ROBO1: variants seen among roughly 807,000 people sequenced by gnomAD.
ROBO1 encodes roundabout homolog 1.
In ROBO1, 149 loss-of-function variants were observed where a neutral mutation model predicts 195.9. That is an observed-to-expected ratio of 0.76 (90% CI 0.67 to 0.87). ROBO1 has a LOEUF of 0.87. Among genes scored for constraint, ROBO1 ranks in the 40% least tolerant of loss-of-function variants. ROBO1 has a pLI of 0.00. For synonymous variants in ROBO1, 816 were observed against 733.2 expected, an observed-to-expected ratio of 1.11 and a Z score of -1.82; for missense variants, 1,933 against 2,068.3, an observed-to-expected ratio of 0.93 and a Z score of 1.27.
chr3:79,529,618 A>G (rs1440309207), intron 2 of ROBO1, among the ~76,000 whole-genome samples: 3 of 152,242 alleles, frequency 2.0e-5, no homozygotes, highest in Non-Finnish European at 4.4e-5. Context: ...AGAGACAGCT[A>G]ATAAGTGACA....
intron 10 of ROBO1, among the ~76,000 whole-genome samples, chr3:78,673,563 TA>T (rs1277407275): frequency 0.11 from 1,228 of 11,260 alleles, 32 homozygotes; most frequent in African/African-American, 0.31. Flanking sequence ...ACATATATTT[TA>T]TATATATATA....
chr3:78,665,649 A>G (rs1232053576), intron 14 of ROBO1, among the ~76,000 whole-genome samples: 1 of 152,188 alleles, frequency 6.6e-6, no homozygotes, highest in Non-Finnish European at 1.5e-5. Flanking sequence ...TTTATGGGAT[A>G]AAACAGAAAA....
chr3:78,654,901 T>G lies in ROBO1; in HGVS notation c.2614+2197A>C, dbSNP rs1404212388. ...ATATAGAGTCATCACAGTGTTAACT[T>G]ATTTCAATGTTCATAAATTAATATT... On this transcript the variant is annotated intron_variant, in intron 18 of 30. Coordinates refer to ENST00000464233, the MANE Select transcript of ROBO1 (RefSeq NM_002941.4). 9.2e-5 allele frequency among the ~76,000 whole-genome samples: 14 copies of G among 152,346 alleles called. 1 individual carries two copies. In the South Asian group the frequency reaches 2.5e-3, roughly 27 times the overall value.
intron 3 of ROBO1, among the ~76,000 whole-genome samples, chr3:79,095,531 T>C (rs1416743573): frequency 6.6e-6 from 1 of 152,030 alleles, no homozygotes; most frequent in Admixed American, 6.6e-5. Context: ...CACCAGGTGA[T>C]TGAAGCCCCT....
intron 2 of ROBO1, among the ~76,000 whole-genome samples, chr3:79,280,013 C>T (rs1362379233): frequency 1.3e-5 from 2 of 152,108 alleles, no homozygotes; most frequent in Non-Finnish European, 2.9e-5. Flanking sequence ...TTAAACACTG[C>T]AAACTATCAC....
rs1284207760 is a variant in ROBO1, at chr3:79,312,237, CTCAAG to C, written c.89-186703_89-186699del. ...GCAATGCCCTTCTCAACATTCTGCT[CTCAAG>C]TCAACTGTAACCTCCTAAAAGAGGT... On this transcript the variant is annotated intron_variant, in intron 2 of 30. Transcript: ENST00000464233. Among the ~76,000 whole-genome samples the C allele has an allele frequency of 3.9e-5, 6 of 152,310 alleles. 1 individual carries two copies. Among genetic ancestry groups the C allele is most frequent in the Non-Finnish European group, 8.8e-5 (6 of 68,034 alleles).
At chr3:79,115,151 T>C (rs1283885567) in intron 3 of ROBO1, among the ~76,000 whole-genome samples, 3 of 152,154 alleles carry the variant, frequency 2.0e-5, no homozygotes, top group South Asian at 2.1e-4. Context: ...TGGGTGATGG[T>C]TGATCTTTCA....
Position 79,755,726 on chromosome 3 carries a change from T to C in ROBO1, c.-51+12026A>G, listed in dbSNP as rs138865396. Among the ~76,000 whole-genome samples, 305 of 152,302 alleles carry C rather than the reference T, an allele frequency of 2.0e-3. 1 individual carries two copies. In the Middle Eastern group the frequency reaches 0.024, roughly 12 times the overall value. On this transcript the variant is annotated intron_variant, in intron 1 of 30. Transcript: ENST00000464233. ...CCAGCACCAAGAGCAATCAGTGCTC[T>C]CACCATCACTACAAGAACCTTCCTT...
chr3:79,600,069 T>G, intron 1 of ROBO1, among the ~76,000 whole-genome samples: 1 of 151,988 alleles, frequency 6.6e-6, no homozygotes, highest in East Asian at 1.9e-4. Context: ...ATGCTGTGCT[T>G]ACACTAGCTC....
intron 2 of ROBO1, among the ~76,000 whole-genome samples, chr3:79,365,315 T>G (rs1449396937): frequency 6.6e-6 from 1 of 152,172 alleles, no homozygotes; most frequent in Non-Finnish European, 1.5e-5. Flanking sequence ...CCTTTCCACC[T>G]GCACATCCGT....
intron 2 of ROBO1, among the ~76,000 whole-genome samples, chr3:79,305,712 GAGA>G (rs1279835422): frequency 1.3e-5 from 2 of 152,068 alleles, no homozygotes; most frequent in Non-Finnish European, 1.5e-5. Context: ...AATTGTGGCT[GAGA>G]AGGATTAAAA....
chr3:79,603,193 T>C (rs2107876150), intron 1 of ROBO1, among the ~76,000 whole-genome samples: 1 of 152,084 alleles, frequency 6.6e-6, no homozygotes, highest in South Asian at 2.1e-4. Flanking sequence ...AAATGGCTTA[T>C]TGCAAGTTCC....
chr3:79,116,469 T>C (rs2080002474), intron 3 of ROBO1, among the ~76,000 whole-genome samples: 1 of 150,558 alleles, frequency 6.6e-6, no homozygotes, highest in Non-Finnish European at 1.5e-5. Flanking sequence ...TTTCTTTGTT[T>C]CTTTCTCTCT....
At chr3:78,973,465 A>C (rs1462933843) in intron 3 of ROBO1, among the ~76,000 whole-genome samples, 1 of 146,404 alleles carries the variant, frequency 6.8e-6, no homozygotes, top group African/African-American at 2.5e-5. Flanking sequence ...TATATATATA[A>C]GAAGCTATAT....
chr3:79,005,822 G>C (rs532115085), intron 3 of ROBO1, among the ~76,000 whole-genome samples: 2 of 152,104 alleles, frequency 1.3e-5, no homozygotes, highest in Non-Finnish European at 2.9e-5. Flanking sequence ...ACCCTTCAGA[G>C]TAAGCTTCTC....
At chr3:79,652,158 A>T (rs1210582035) in intron 1 of ROBO1, among the ~76,000 whole-genome samples, 1 of 152,040 alleles carries the variant, frequency 6.6e-6, no homozygotes, top group Non-Finnish European at 1.5e-5. Context: ...ACACTAGTTT[A>T]TTTGCACTGA....
At chr3:79,470,072 T>C (rs563205503) in intron 2 of ROBO1, among the ~76,000 whole-genome samples, 3 of 152,234 alleles carry the variant, frequency 2.0e-5, no homozygotes, top group African/African-American at 4.8e-5. Flanking sequence ...TTGTTACATA[T>C]GTATACTAAA....
intron 1 of ROBO1, among the ~76,000 whole-genome samples, chr3:79,757,688 A>C (rs1246362056): frequency 6.6e-6 from 1 of 152,110 alleles, no homozygotes; most frequent in Non-Finnish European, 1.5e-5. Flanking sequence ...CTAAATAATA[A>C]CTATAATAAT....
intron 3 of ROBO1, among the ~76,000 whole-genome samples, chr3:78,958,054 T>C (rs1326160486): frequency 6.6e-6 from 1 of 152,206 alleles, no homozygotes; most frequent in Non-Finnish European, 1.5e-5. Context: ...GTTTTTTATA[T>C]AAATTTACTT....
Sources: gnomAD v4.1 joint callset for allele counts (sites outside exome capture counted in the v4.1 genomes callset) on GRCh38, gnomAD v4.1.1 for gene constraint, MANE v1.5 for transcripts, NCBI Gene and HGNC (gene_info 2026-07-23, HGNC 2026-07-21) for gene names.